Variants in SPATA1 observed in about 807,000 individuals in gnomAD.
SPATA1 encodes the protein spermatogenesis associated 1, also known as spermatogenesis-associated protein 1.
SPATA1 carries 57 observed loss-of-function variants against 59.6 expected under a neutral mutation model. The ratio of observed to expected loss-of-function variants is 0.96; its 90% CI spans 0.77 to 1.19. The LOEUF (loss-of-function observed/expected upper bound fraction) is 1.19. SPATA1 is among the 50% of genes most tolerant of loss of function. SPATA1 has a pLI of 0.00. For synonymous variants in SPATA1, 147 were observed against 163.9 expected (o/e 0.90, Z 0.79); for missense variants, 448 against 480.7 (o/e 0.93, Z 0.64).
intron 9 of SPATA1, 108 bp downstream of exon 9, chr1:84,544,412 A>ATTT: frequency 1.2e-6 from 1 of 848,566 alleles, no homozygotes; most frequent in Non-Finnish European, 1.8e-6. Flanking sequence ...GAGAAGATAA[A>ATTT]TAAGTTCTGG....
At chr1:84,520,492 T>C (rs1682978941) in intron 2 of SPATA1, 93 bp from the exon 3 acceptor site, 1 of 763,146 alleles carries the variant, frequency 1.3e-6, no homozygotes, top group East Asian at 3.0e-5. Flanking sequence ...TTTTTTTCTA[T>C]TGTGTTTATT....
downstream of SPATA1, chr1:84,554,992 A>G (rs763056916): frequency 1.2e-6 from 2 of 1,611,824 alleles, no homozygotes; most frequent in African/African-American, 2.7e-5. Context: ...GGTTTGACAA[A>G]AGATGTTCAT....
At chr1:84,542,611 TCTGA>T (rs1683951021) in intron 8 of SPATA1, among the ~76,000 whole-genome samples, 1 of 152,198 alleles carries the variant, frequency 6.6e-6, no homozygotes, top group African/African-American at 2.4e-5. Context: ...ATAGTCCATA[TCTGA>T]CTCTCTGCTC....
downstream of SPATA1, among the ~76,000 whole-genome samples, chr1:84,557,094 A>G (rs1684457512): frequency 1.3e-5 from 2 of 152,242 alleles, no homozygotes; most frequent in Non-Finnish European, 2.9e-5. Context: ...CACATGTAAG[A>G]CTAATTTATG....
chr1:84,513,414 C>A (rs1026198165), intron 1 of SPATA1, among the ~76,000 whole-genome samples: 2 of 152,182 alleles, frequency 1.3e-5, no homozygotes, highest in East Asian at 3.9e-4. Flanking sequence ...GGATTACAGG[C>A]GTGAGCCACA....
intron 8 of SPATA1, among the ~76,000 whole-genome samples, chr1:84,536,172 T>C (rs1451435811): frequency 6.6e-6 from 1 of 152,198 alleles, no homozygotes; most frequent in Non-Finnish European, 1.5e-5. Flanking sequence ...TTATTGGAAA[T>C]AGATTCAGAG....
At chr1:84,562,684 C>T (rs773053892) in intron 4 of SPATA1, among the ~76,000 whole-genome samples, 1 of 152,178 alleles carries the variant, frequency 6.6e-6, no homozygotes, top group Non-Finnish European at 1.5e-5. Flanking sequence ...CTATTAAACA[C>T]TACTTGACAG....
intron 1 of SPATA1, among the ~76,000 whole-genome samples, chr1:84,510,480 GTGGCTTTTATGCAAAAGA>G (rs1682489168): frequency 6.6e-6 from 1 of 152,174 alleles, no homozygotes; most frequent in Non-Finnish European, 1.5e-5. Context: ...CCCAATTAAA[GTGGCTTTTATGCAAAAGA>G]TAGACAATAA....
At chr1:84,525,986 G>C (rs10493753) in exon 6 of SPATA1, 64,344 of 1,613,416 alleles carry the variant, frequency 0.04, 3,495 homozygotes, top group African/African-American at 0.26. Flanking sequence ...ACCAATTAGT[G>C]TAACTTTGTT....
chr1:84,560,100 AGAAAGAAAG>A (rs1487344064), intron 4 of SPATA1, among the ~76,000 whole-genome samples: 121 of 17,088 alleles, frequency 7.1e-3, no homozygotes, highest in Middle Eastern at 0.028. Flanking sequence ...AAAAAAAAAA[AGAAAGAAAG>A]AAAGAAAGAA....
At chr1:84,543,959 A>G (rs1683995351) in intron 8 of SPATA1, among the ~76,000 whole-genome samples, 2 of 152,226 alleles carry the variant, frequency 1.3e-5, no homozygotes, top group South Asian at 4.1e-4. Flanking sequence ...TCATGTTTAG[A>G]AAGAAAAATA....
At chr1:84,557,554 G>GAAAA (rs1179521999), downstream of SPATA1, among the ~76,000 whole-genome samples, 2 of 70,152 alleles carry the variant, frequency 2.9e-5, no homozygotes, top group African/African-American at 1.9e-4. Flanking sequence ...AAAAAAAAAA[G>GAAAA]AAAAAAAAAA....
At chr1:84,509,000 T>A (rs1422617461) in intron 1 of SPATA1, among the ~76,000 whole-genome samples, 2 of 152,120 alleles carry the variant, frequency 1.3e-5, no homozygotes, top group Non-Finnish European at 2.9e-5. Context: ...CCCAAAGCAA[T>A]CTACAGATTC....
At chr1:84,543,342 C>G (rs550080902) in intron 8 of SPATA1, among the ~76,000 whole-genome samples, 1 of 152,286 alleles carries the variant, frequency 6.6e-6, no homozygotes, top group Non-Finnish European at 1.5e-5. Flanking sequence ...AGTCTGTTCT[C>G]ACACTGCTAT....
intron 6 of SPATA1, among the ~76,000 whole-genome samples, chr1:84,528,075 A>G (rs557492162): frequency 9.9e-5 from 15 of 152,214 alleles, no homozygotes; most frequent in Non-Finnish European, 1.6e-4. Flanking sequence ...TTGTCCTATT[A>G]TTATTTTTAG....
intron 10 of SPATA1, among the ~76,000 whole-genome samples, chr1:84,546,496 G>A (rs998173737): frequency 6.7e-6 from 1 of 148,992 alleles, no homozygotes; most frequent in Non-Finnish European, 1.5e-5. Flanking sequence ...TGAAAACTAT[G>A]ATAAAGGAAT....
chr1:84,565,106 G>A (rs1204183939), intron 4 of SPATA1, among the ~76,000 whole-genome samples: 1 of 151,958 alleles, frequency 6.6e-6, no homozygotes, highest in African/African-American at 2.4e-5. Context: ...AGCTACTCAG[G>A]AGGCTAAGGC....
chr1:84,515,196 G>A (rs1682743397), intron 1 of SPATA1, among the ~76,000 whole-genome samples: 1 of 151,946 alleles, frequency 6.6e-6, no homozygotes, highest in Non-Finnish European at 1.5e-5. Context: ...TAATACAATG[G>A]CATACAGAGT....
chr1:84,541,658 T>C lies in SPATA1; in HGVS notation c.718-2544T>C, dbSNP rs1683907508. Among the ~76,000 whole-genome samples, 4 of 152,176 alleles carry C rather than the reference T, an allele frequency of 2.6e-5. No individual in the cohort carries two copies. In the South Asian group the frequency reaches 8.3e-4, roughly 32 times the overall value. On this transcript the variant is annotated intron_variant, in intron 8 of 12. Coordinates refer to ENST00000490879, the Ensembl canonical transcript of SPATA1. Reference sequence around the variant, plus strand: ...ATATCTGCAAATGCTTAGTTAATTATATTTAATCTATGTTGGGAGCATTGG... The same window carrying C: ...ATATCTGCAAATGCTTAGTTAATTACATTTAATCTATGTTGGGAGCATTGG...
Sources: gnomAD v4.1 joint callset for allele counts (sites outside exome capture counted in the v4.1 genomes callset) on GRCh38, gnomAD v4.1.1 for gene constraint, MANE v1.5 for transcripts, NCBI Gene and HGNC (gene_info 2026-07-23, HGNC 2026-07-21) for gene names.